The following ESYT3 variants were observed in gnomAD, a reference collection of about 807,000 sequenced individuals.
ESYT3 encodes the protein extended synaptotagmin-3.
A neutral mutation model predicts 111.5 loss-of-function variants in ESYT3; 101 were observed. The observed-to-expected ratio is 0.91, with a 90% CI of 0.77 to 1.07. The LOEUF (loss-of-function observed/expected upper bound fraction) is 1.07. Ranked by LOEUF, ESYT3 falls within the 50% of genes least tolerant of loss-of-function variation. The pLI is 0.00. For synonymous variants in ESYT3, 416 were observed against 446.8 expected (o/e 0.93, Z 0.87); for missense variants, 1,097 against 1,109.4 (o/e 0.99, Z 0.16).
At chr3:138,462,045 G>A in intron 7 of ESYT3, 41 bp from the exon 8 acceptor site, 1 of 1,611,972 alleles carries the variant, frequency 6.2e-7, no homozygotes, top group Non-Finnish European at 8.5e-7. Flanking sequence ...CATGGGGGAG[G>A]CAGTGCCACC....
At chr3:138,473,094 GT>G (rs2033316225) in intron 18 of ESYT3, 1 of 1,400,422 alleles carries the variant, frequency 7.1e-7, no homozygotes, top group South Asian at 1.7e-5. Flanking sequence ...ACTCTGGTTG[GT>G]AAGGTCCCTT....
chr3:138,443,664 T>G (rs971817067), intron 1 of ESYT3, among the ~76,000 whole-genome samples: 1 of 152,124 alleles, frequency 6.6e-6, no homozygotes, highest in African/African-American at 2.4e-5. Context: ...TGCACATGCG[T>G]GTGAGTCTGC....
rs865837537 is a variant in ESYT3, at chr3:138,462,080, G to A, written c.795-6G>A. 5 of 1,614,098 alleles carry A rather than the reference G, an allele frequency of 3.1e-6. No individual in the cohort carries two copies. The highest frequency in any genetic ancestry group is 3.4e-6 in the Non-Finnish European group (4 of 1,180,006). On this transcript the variant is annotated splice_region_variant and splice_polypyrimidine_tract_variant and intron_variant, in intron 7 of 22. Transcript: ENST00000389567. ...CCCTCCACAGCTGGTCCTGCCTTGT[G>A]TCCAGTGATGTGTCAGACAGCTTAC...
rs374032241 is a variant in ESYT3, at chr3:138,477,074, G to A, written c.*220G>A. On this transcript the variant is annotated 3_prime_UTR_variant, in exon 23 of 23. Coordinates refer to ENST00000389567, the MANE Select transcript of ESYT3 (RefSeq NM_031913.5). ...AAGCAAGAACTACTTTTTTTGGTTG[G>A]ATTTTTTTGTTCAAGTCCAGAAAGA... 328 of 420,414 alleles carry A rather than the reference G, an allele frequency of 7.8e-4. 6 individuals are homozygous for A. The South Asian group carries it at 0.013, about 17-fold the overall frequency. 26.0% of individuals were successfully genotyped at this position (420,414 alleles called of 1,614,324 possible). A position where few individuals can be genotyped will look rare whatever the true frequency, so the allele number is the denominator to read the frequency against.
At chr3:138,450,527 GAGTT>G (rs2108602446) in intron 1 of ESYT3, among the ~76,000 whole-genome samples, 1 of 152,304 alleles carries the variant, frequency 6.6e-6, no homozygotes, top group South Asian at 2.1e-4. Flanking sequence ...AAACTTTTCT[GAGTT>G]AGTATAGGCC....
Position 138,474,320 on chromosome 3 carries a change from G to T in ESYT3, c.2436G>T (p.Lys812Asn). The T allele has an allele frequency of 6.2e-7, 1 of 1,603,346 alleles. No individual in the cohort carries two copies. Among genetic ancestry groups the T allele is most frequent in the Non-Finnish European group, 8.5e-7 (1 of 1,177,346 alleles). ...KWACRKKTSV[K>N]RKTLEPLFDE... ...CATGTCGTAAGAAGACTTCAGTGAAGCGGAAGACCTTGGAACCCCTGTTTG... is the reference window on the plus strand; with the variant it reads ...CATGTCGTAAGAAGACTTCAGTGAATCGGAAGACCTTGGAACCCCTGTTTG... The change falls in exon 20 of 23, where the codon AAG becomes AAT. Residue 812 changes from lysine to asparagine, a missense_variant. Lys to Asn is a moderately conservative substitution (Grantham distance 94). Coordinates refer to ENST00000389567, the MANE Select transcript of ESYT3 (RefSeq NM_031913.5).
intron 19 of ESYT3, 134 bp from the exon 20 acceptor site, chr3:138,474,087 C>A: frequency 1.7e-6 from 2 of 1,178,088 alleles, no homozygotes; most frequent in Non-Finnish European, 2.4e-6. Flanking sequence ...GTATCTAATG[C>A]TGAATGGCTA....
intron 21 of ESYT3, 49 bp downstream of exon 21, chr3:138,476,377 C>T (rs767791107): frequency 1.9e-6 from 3 of 1,601,144 alleles, no homozygotes; most frequent in Non-Finnish European, 2.6e-6. Context: ...GATCAATTCG[C>T]CTTATCCCAA....
At position 138,435,103 on chromosome 3, in the gene ESYT3, G is replaced by T; in HGVS notation, c.305G>T (p.Arg102Leu). 4 of 1,589,296 alleles carry T rather than the reference G, an allele frequency of 2.5e-6. No individual in the cohort carries two copies. The highest frequency in any genetic ancestry group is 1.7e-5 in the Admixed American group (1 of 57,222). Residue 102 changes from arginine to leucine, a missense_variant, in exon 1 of 23, where the codon CGG (arginine) becomes CTG (leucine). Physicochemically the swap from Arg to Leu is moderately radical, Grantham distance 102. Transcript: ENST00000389567. The surrounding 1 kb of genome is among the most constrained non-coding windows in gnomAD (Gnocchi z 4.8). ...CGCGAGTTCATCAGCCGCGAGCTGC[G>T]GGGCCAGCACCTGCCAGCCTGGGTG... Reference protein sequence around the residue: ...NEREFISRELRGQHLPAWIHF... With the variant: ...NEREFISRELLGQHLPAWIHF...
At position 138,468,116 on chromosome 3, in the gene ESYT3, G is replaced by A; in HGVS notation, c.1230G>A (p.Leu410=). Residue 410 remains leucine, a synonymous_variant, in exon 12 of 23, where the codon CTG becomes CTA. Transcript: ENST00000389567. ...CCCCTACCCCACAGTGGTTTGTCCT[G>A]AATGACACAACCAGCGGGCGGCTGC... ...TNRVVDEWFV[L]NDTTSGRLHL... is the part of the protein sequence containing the mutation. The A allele has an allele frequency of 6.2e-7, 1 of 1,614,142 alleles. No individual in the cohort carries two copies.
rs1288317294 is a variant in ESYT3 at position 138,472,559 on chromosome 3, C to T, written c.1937C>T (p.Thr646Ile). The change falls in exon 18 of 23, where the codon ACC (threonine) becomes ATC (isoleucine). Residue 646 changes from threonine to isoleucine, a missense_variant. Thr to Ile is a moderately conservative substitution (Grantham distance 89, BLOSUM62 -1). Transcript: ENST00000389567. ...DTKDVSRSTT[T>I]TTSATTVATE... ...AAGGACGTATCCAGGAGTACCACAACCACCACCAGTGCTACCACCGTTGCC... is the reference window on the plus strand; with the variant it reads ...AAGGACGTATCCAGGAGTACCACAATCACCACCAGTGCTACCACCGTTGCC... The T allele has an allele frequency of 6.2e-7, 1 of 1,614,088 alleles. No individual in the cohort carries two copies. The highest frequency in any genetic ancestry group is 2.2e-5 in the East Asian group (1 of 44,896).
rs1046233810 is a variant in ESYT3 at position 138,478,596 on chromosome 3, CACAA to C, written c.*1746_*1749del. The C allele has an allele frequency of 6.6e-6, 1 of 152,104 alleles. No individual in the cohort carries two copies. Among genetic ancestry groups the C allele is most frequent in the Admixed American group, 6.6e-5 (1 of 15,256 alleles). 9.4% of individuals were successfully genotyped at this position (152,104 alleles called of 1,614,324 possible). A position where few individuals can be genotyped will look rare whatever the true frequency, so the allele number is the denominator to read the frequency against. ...TACCCCTCTTCTTCCAAACTTAAAC[CACAA>C]ACATTTATTTTAAACGTGGTCAATT... On this transcript the variant is annotated 3_prime_UTR_variant, in exon 23 of 23. Transcript: ENST00000389567.
At chr3:138,451,916 C>T (rs900273382) in intron 1 of ESYT3, 132 bp from the exon 2 acceptor site, 4 of 986,710 alleles carry the variant, frequency 4.1e-6, no homozygotes, top group Non-Finnish European at 4.7e-6. Context: ...CTGTGACCGA[C>T]GTGGAGGCGG....
chr3:138,475,331 T>TAA (rs1035119405), intron 20 of ESYT3, among the ~76,000 whole-genome samples: 4 of 152,304 alleles, frequency 2.6e-5, no homozygotes, highest in South Asian at 2.1e-4. Context: ...GGAAGAGGTT[T>TAA]AACATTTGAC....
chr3:138,435,202 C>G lies in ESYT3; in HGVS notation c.327+77C>G. 1 of 1,381,102 alleles carries G rather than the reference C, an allele frequency of 7.2e-7. No individual in the cohort carries two copies. The highest frequency in any genetic ancestry group is 9.7e-7 in the Non-Finnish European group (1 of 1,032,134). The allele number at this position is 1,381,102 out of a possible 1,614,324, so 85.6% of individuals were successfully genotyped here. ...GGAGGAACTTGCGGTCAGCGGGGAG[C>G]TGGTGCGCGCAAACCCGAGGCAGGG... On this transcript the variant is annotated intron_variant, in intron 1 of 22. Transcript: ENST00000389567. The surrounding 1 kb of genome is among the most constrained non-coding windows in gnomAD (Gnocchi z 4.8).
At chr3:138,447,886 T>C (rs2031648494) in intron 1 of ESYT3, among the ~76,000 whole-genome samples, 1 of 152,172 alleles carries the variant, frequency 6.6e-6, no homozygotes, top group Non-Finnish European at 1.5e-5. Flanking sequence ...GATTTTTTTT[T>C]TGTAGATTGA....
intron 15 of ESYT3, 116 bp from the exon 16 acceptor site, chr3:138,469,944 G>T: frequency 1.3e-6 from 1 of 769,796 alleles, no homozygotes; most frequent in Non-Finnish European, 2.1e-6. Flanking sequence ...TCTGATCCCA[G>T]GGCATATAGG....
rs1465643467 is a variant in ESYT3, at chr3:138,471,046, T to C, written c.1740+20T>C. On this transcript the variant is annotated intron_variant, in intron 17 of 22. Coordinates refer to ENST00000389567, the MANE Select transcript of ESYT3 (RefSeq NM_031913.5). ...CTTCGGGTAAATCTCTCCGGTCCCCTGGGGGAGGGGAGGAATAGAGCTCTG... is the reference window on the plus strand; with the variant it reads ...CTTCGGGTAAATCTCTCCGGTCCCCCGGGGGAGGGGAGGAATAGAGCTCTG... 6.3e-7 allele frequency: 1 copy of C among 1,593,986 alleles called. No homozygotes were observed. Among genetic ancestry groups the C allele is most frequent in the East Asian group, 2.2e-5 (1 of 44,770 alleles).
chr3:138,476,803 G>GTAAC lies in ESYT3; in HGVS notation c.2625-13_2625-10dup, dbSNP rs919898838. ...GTCATTACTAACGTTAAGTCCAAAC[G>GTAAC]TAACTGTCTTACAGGTATGAGCTGA... On this transcript the variant is annotated splice_polypyrimidine_tract_variant and intron_variant, in intron 22 of 22. Coordinates refer to ENST00000389567, the MANE Select transcript of ESYT3 (RefSeq NM_031913.5). The GTAAC allele has an allele frequency of 3.7e-6, 6 of 1,613,322 alleles. No homozygotes were observed. Among genetic ancestry groups the GTAAC allele is most frequent in the African/African-American group, 1.3e-5 (1 of 74,888 alleles).
Sources: gnomAD v4.1 joint callset for allele counts (sites outside exome capture counted in the v4.1 genomes callset) on GRCh38, gnomAD v4.1.1 for gene constraint, Gnocchi (gnomAD v3.1) non-coding constraint, MANE v1.5 for transcripts, NCBI Gene and HGNC (gene_info 2026-07-23, HGNC 2026-07-21) for gene names.